ACACB: variants seen among roughly 807,000 people sequenced by gnomAD.
ACACB encodes the protein acetyl-CoA carboxylase 2.
Under a neutral mutation model 278.8 loss-of-function variants are expected in ACACB, and 209 were observed. The observed-to-expected ratio is 0.75, with a 90% CI of 0.67 to 0.84. ACACB has a LOEUF of 0.84. Ranked by LOEUF, ACACB falls within the 40% of genes least tolerant of loss-of-function variation. The pLI is 0.00. For missense variants in ACACB, 2,850 were observed against 3,269.0 expected (o/e 0.87, Z 3.13); for synonymous variants, 1,174 against 1,285.6 (o/e 0.91, Z 1.86).
At position 109,175,708 on chromosome 12, in the gene ACACB, C is replaced by T. The variant is rs2044260973; in HGVS notation, c.1217-223C>T. Among the ~76,000 whole-genome samples the T allele has an allele frequency of 3.9e-5, 6 of 152,130 alleles. No individual in the cohort carries two copies. In the South Asian group the frequency reaches 1.2e-3, roughly 32 times the overall value. On this transcript the variant is annotated intron_variant, in intron 7 of 52. Transcript: ENST00000338432. ...TGCTGGGATTATAAGCATGAGCCAC[C>T]ACGCCTGGCAGTTAGTTTCTTAAGC...
Position 109,265,354 on chromosome 12 carries a change from G to C in ACACB, c.7114-35G>C, listed in dbSNP as rs758696771. 8 of 1,611,680 alleles carry C rather than the reference G, an allele frequency of 5.0e-6. No homozygotes were observed. The African/African-American group carries it at 1.1e-4, about 21-fold the overall frequency. On this transcript the variant is annotated intron_variant, in intron 51 of 52. Transcript: ENST00000338432. Reference sequence around the variant, plus strand: ...GCTGAGACAGCTGGCCCACAGCTGGGTCCCTCTCTGAGGCATCCTCTGCCC... The same window carrying C: ...GCTGAGACAGCTGGCCCACAGCTGGCTCCCTCTCTGAGGCATCCTCTGCCC...
intron 41 of ACACB, among the ~76,000 whole-genome samples, chr12:109,251,720 GGTT>G (rs1312978328): frequency 6.6e-6 from 1 of 152,112 alleles, no homozygotes; most frequent in Non-Finnish European, 1.5e-5. Flanking sequence ...GTGTCCTTTT[GGTT>G]GTTAAGAGGC....
At chr12:109,218,851 C>A (rs2046082910) in intron 24 of ACACB, among the ~76,000 whole-genome samples, 2 of 151,852 alleles carry the variant, frequency 1.3e-5, no homozygotes, top group Non-Finnish European at 2.9e-5. Flanking sequence ...TCACTGCAAC[C>A]TCCACCTCCA....
At chr12:109,190,576 G>A (rs1326245924) in intron 13 of ACACB, among the ~76,000 whole-genome samples, 2 of 152,156 alleles carry the variant, frequency 1.3e-5, no homozygotes, top group Non-Finnish European at 2.9e-5. Flanking sequence ...GGGGACAGGA[G>A]ATTTGAATAG....
rs753113731 is a variant in ACACB at position 109,174,190 on chromosome 12, C to T, written c.1176C>T (p.Ala392=). Residue 392 remains alanine, a synonymous_variant, in exon 7 of 53, where the codon GCC becomes GCT. Transcript: ENST00000338432. ...ATAAGATCGCCTCCACCGTTGTCGC[C>T]CAGACGCTACAGGTCCCAACCCTGC... The part of the protein sequence containing the change: ...LGDKIASTVV[A]QTLQVPTLPW... 5 of 1,613,188 alleles carry T rather than the reference C, an allele frequency of 3.1e-6. No homozygotes were observed. Among genetic ancestry groups the T allele is most frequent in the Non-Finnish European group, 4.2e-6 (5 of 1,179,772 alleles).
chr12:109,199,586 C>T (rs1334858110), intron 18 of ACACB, 34 bp downstream of exon 18: 2 of 1,390,548 alleles, frequency 1.4e-6, no homozygotes, highest in Middle Eastern at 2.1e-4. Context: ...GAATCCTGAA[C>T]CCTCAAACTC....
upstream of ACACB, among the ~76,000 whole-genome samples, chr12:109,115,559 A>T (rs1205788748): frequency 2.0e-5 from 3 of 147,652 alleles, no homozygotes; most frequent in Non-Finnish European, 4.4e-5. Flanking sequence ...CGGGCCGGGC[A>T]TTGTGCAGGC....
At chr12:109,199,369 C>T in intron 17 of ACACB, 33 bp from the exon 18 acceptor site, 1 of 1,423,862 alleles carries the variant, frequency 7.0e-7, no homozygotes, top group Non-Finnish European at 9.3e-7. Context: ...TAGTCCTCAT[C>T]AGTCTCCCTA....
intron 48 of ACACB, among the ~76,000 whole-genome samples, chr12:109,261,664 A>T (rs1004531300): frequency 2.0e-5 from 3 of 152,118 alleles, no homozygotes; most frequent in Non-Finnish European, 2.9e-5. Context: ...TGAGGCCAGG[A>T]GTTCAAGACC....
chr12:109,227,276 C>A, intron 27 of ACACB, 95 bp from the exon 28 acceptor site: 1 of 1,085,374 alleles, frequency 9.2e-7, no homozygotes, highest in South Asian at 1.5e-5. Flanking sequence ...TTTTAGAGGT[C>A]ATTTCTGGTA....
At chr12:109,172,822 A>G (rs776031231) in intron 6 of ACACB, among the ~76,000 whole-genome samples, 7 of 152,226 alleles carry the variant, frequency 4.6e-5, no homozygotes, top group Non-Finnish European at 1.0e-4. Context: ...CTGGGTATAT[A>G]CCCAGAGGAA....
At chr12:109,176,339 C>A in intron 9 of ACACB, 76 bp downstream of exon 9, 2 of 1,315,078 alleles carry the variant, frequency 1.5e-6, no homozygotes, top group Non-Finnish European at 2.2e-6. Context: ...TTTCTCTTAG[C>A]ATTATTCTGT....
At chr12:109,151,002 G>A (rs1462212073) in intron 2 of ACACB, among the ~76,000 whole-genome samples, 2 of 129,860 alleles carry the variant, frequency 1.5e-5, no homozygotes, top group Non-Finnish European at 3.1e-5. Flanking sequence ...TTTTTGAGAC[G>A]GAGTCTCGCT....
intron 2 of ACACB, among the ~76,000 whole-genome samples, chr12:109,152,938 G>A (rs1202776181): frequency 6.7e-6 from 1 of 149,222 alleles, no homozygotes; most frequent in African/African-American, 2.5e-5. Flanking sequence ...GCCACTGCAC[G>A]TGGCCTTCCT....
At chr12:109,141,447 A>G (rs1355567576) in intron 2 of ACACB, among the ~76,000 whole-genome samples, 3 of 152,200 alleles carry the variant, frequency 2.0e-5, no homozygotes, top group African/African-American at 7.2e-5. Flanking sequence ...CAGCACTTCC[A>G]GGTAGAAAAT....
chr12:109,225,938 TA>T (rs1378135828), intron 27 of ACACB, among the ~76,000 whole-genome samples: 2 of 152,158 alleles, frequency 1.3e-5, no homozygotes, highest in African/African-American at 4.8e-5. Context: ...TTATTAAAAT[TA>T]TTTTTTATCT....
At position 109,246,198 on chromosome 12, in the gene ACACB, A is replaced by G. The variant is rs765057691; in HGVS notation, c.5321A>G (p.Lys1774Arg). 1.2e-6 allele frequency: 2 copies of G among 1,612,674 alleles called. 1 individual carries two copies. Among genetic ancestry groups the G allele is most frequent in the South Asian group, 2.2e-5 (2 of 91,020 alleles). ...TGCCAGGTGGGCATGGTGGCCTTCA[A>G]AATGAGGTTTAAGACCCAGGAGTAC... ...GGNEVGMVAFKMRFKTQEYPE... is the reference protein window; with the variant it reads ...GGNEVGMVAFRMRFKTQEYPE... Residue 1774 changes from lysine (K) to arginine (R), a missense_variant, in exon 39 of 53, where the codon AAA becomes AGA. By Grantham distance (26) the Lys-to-Arg change is conservative (BLOSUM62 2). Around this residue, in one of 3 missense-constraint regions of ACACB, gnomAD observed 2,265 missense variants for 2,561.3 expected, o/e 0.88. Coordinates refer to ENST00000338432, the MANE Select transcript of ACACB (RefSeq NM_001093.4).
chr12:109,242,097 T>C (rs1288269239), intron 36 of ACACB: 2 of 187,398 alleles, frequency 1.1e-5, no homozygotes, highest in Non-Finnish European at 2.2e-5. Flanking sequence ...TTGCACATCA[T>C]TAAAACAGGA....
At chr12:109,199,031 C>T (rs2045237695) in intron 17 of ACACB, among the ~76,000 whole-genome samples, 1 of 150,414 alleles carries the variant, frequency 6.6e-6, no homozygotes, top group South Asian at 2.1e-4. Context: ...ACTAAAAATA[C>T]AAAAAAAAAT....
Sources: allele counts gnomAD v4.1 joint callset (sites outside exome capture counted in the v4.1 genomes callset), GRCh38; gene constraint gnomAD v4.1.1; regional missense constraint gnomAD v4.1.1; transcripts MANE v1.5; gene names NCBI Gene and HGNC (gene_info 2026-07-23, HGNC 2026-07-21).